GALNS: variants seen among roughly 807,000 people sequenced by gnomAD.
GALNS encodes the protein N-acetylgalactosamine-6-sulfatase.
GALNS carries 65 observed loss-of-function variants against 65.9 expected under a neutral mutation model. The ratio of observed to expected loss-of-function variants is 0.99; its 90% CI spans 0.81 to 1.21. The LOEUF (loss-of-function observed/expected upper bound fraction) is 1.21. GALNS is among the 50% of genes most tolerant of loss of function. The pLI is 0.00. For synonymous variants in GALNS, 346 were observed against 288.9 expected, an observed-to-expected ratio of 1.20 and a Z score of -2.00; for missense variants, 776 against 700.7, an observed-to-expected ratio of 1.11 and a Z score of -1.21.
rs561834573 is a variant in GALNS, at chr16:88,824,650, G to C, written c.1242+117C>G. 220 of 804,236 alleles carry C rather than the reference G, an allele frequency of 2.7e-4. No individual in the cohort carries two copies. The African/African-American group carries it at 3.2e-3, about 12-fold the overall frequency. The allele number at this position is 804,236 out of a possible 1,614,324, so 49.8% of individuals were successfully genotyped here. ...GGGCCACACAGAGAAGGCTGTGGAG[G>C]GGGTGGAGTTCCTGCCTGTCTCACC... On this transcript the variant is annotated intron_variant, in intron 11 of 13. Coordinates refer to ENST00000268695, the MANE Select transcript of GALNS (RefSeq NM_000512.5).
At chr16:88,829,107 G>A (rs72491942) in intron 9 of GALNS, among the ~76,000 whole-genome samples, 2 of 140,300 alleles carry the variant, frequency 1.4e-5, no homozygotes, top group African/African-American at 5.3e-5. Context: ...CACAGTTCCT[G>A]AGTCTCATGC....
intron 1 of GALNS, among the ~76,000 whole-genome samples, chr16:88,850,897 T>C (rs1457851627): frequency 6.6e-6 from 1 of 152,306 alleles, no homozygotes; most frequent in African/African-American, 2.4e-5. Context: ...AAAAACAGTG[T>C]GGCAAGGTGA....
intron 1 of GALNS, among the ~76,000 whole-genome samples, chr16:88,850,133 A>T (rs1182282449): frequency 6.6e-6 from 1 of 152,218 alleles, no homozygotes; most frequent in Non-Finnish European, 1.5e-5. Flanking sequence ...GTGGGAGAGT[A>T]CAGAATGGCA....
At chr16:88,830,656 C>T (rs945923464) in intron 9 of GALNS, among the ~76,000 whole-genome samples, 9 of 152,220 alleles carry the variant, frequency 5.9e-5, no homozygotes, top group African/African-American at 1.9e-4. Context: ...GAAGACCACA[C>T]GGTGTGATTC....
chr16:88,831,209 G>A (rs1430908263), intron 9 of GALNS, among the ~76,000 whole-genome samples: 1 of 152,026 alleles, frequency 6.6e-6, no homozygotes, highest in Admixed American at 6.6e-5. Context: ...TGGTTCCGAG[G>A]AGAGCGGTGA....
intron 10 of GALNS, among the ~76,000 whole-genome samples, chr16:88,826,078 G>T (rs1471891976): frequency 2.0e-5 from 3 of 152,032 alleles, no homozygotes; most frequent in African/African-American, 7.2e-5. Context: ...TTGGATGGAA[G>T]GAAGAAGGAA....
At position 88,835,849 on chromosome 16, in the gene GALNS, C is replaced by T; in HGVS notation, c.634G>A (p.Glu212Lys). 1 of 1,614,044 alleles carries T rather than the reference C, an allele frequency of 6.2e-7. No individual in the cohort carries two copies. Among genetic ancestry groups the T allele is most frequent in the Non-Finnish European group, 8.5e-7 (1 of 1,180,012 alleles). The change falls in exon 7 of 14, where the codon GAA becomes AAA. Residue 212 changes from glutamate to lysine, a missense_variant and splice_region_variant. Glu to Lys is a moderately conservative substitution (Grantham distance 56). Transcript: ENST00000268695. ...EANLTQIYLQ[E>K]ALDFIKRQAR... ...TGTCTCTTAATGAAGTCCAGGGCTTCCTATGGAGAGAGCCACACCGTCGTC... is the reference window on the plus strand; with the variant it reads ...TGTCTCTTAATGAAGTCCAGGGCTTTCTATGGAGAGAGCCACACCGTCGTC...
chr16:88,836,473 G>C (rs989796945), intron 5 of GALNS, among the ~76,000 whole-genome samples: 1 of 152,156 alleles, frequency 6.6e-6, no homozygotes, highest in African/African-American at 2.4e-5. Flanking sequence ...GGGCAACATG[G>C]TGAAACTCTG....
chr16:88,817,327 C>T (rs541572911), intron 13 of GALNS: 386 of 985,210 alleles, frequency 3.9e-4, no homozygotes, highest in Non-Finnish European at 4.5e-4. Context: ...TGTTTCTGGC[C>T]GATGCTGGCG....
At chr16:88,848,880 C>T (rs1042191493) in intron 1 of GALNS, among the ~76,000 whole-genome samples, 9 of 152,340 alleles carry the variant, frequency 5.9e-5, no homozygotes, top group South Asian at 2.1e-4. Context: ...TCCAGGTCTG[C>T]GTGGTCACAC....
intron 1 of GALNS, among the ~76,000 whole-genome samples, chr16:88,851,960 T>G (rs1217878792): frequency 6.6e-6 from 1 of 152,206 alleles, no homozygotes; most frequent in African/African-American, 2.4e-5. Flanking sequence ...AGCAGAAACT[T>G]CGGCAGACTT....
chr16:88,830,880 G>A (rs1305563541), intron 9 of GALNS, among the ~76,000 whole-genome samples: 3 of 152,090 alleles, frequency 2.0e-5, no homozygotes, highest in African/African-American at 4.8e-5. Context: ...ATGTGCTTTG[G>A]GGGAAAAAAC....
At position 88,814,117 on chromosome 16, in the gene GALNS, T is replaced by A. The variant is rs1475555697; in HGVS notation, c.*322A>T. The A allele has an allele frequency of 2.2e-6, 1 of 450,348 alleles. No homozygotes were observed. The highest frequency in any genetic ancestry group is 3.4e-5 in the Admixed American group (1 of 29,176). The allele number at this position is 450,348 out of a possible 1,614,324, so 27.9% of individuals were successfully genotyped here. A position where few individuals can be genotyped will look rare whatever the true frequency, so the allele number is the denominator to read the frequency against. On this transcript the variant is annotated 3_prime_UTR_variant, in exon 14 of 14. Coordinates refer to ENST00000268695, the MANE Select transcript of GALNS (RefSeq NM_000512.5). ...TCCTGAGGCTGTCACAGGTGCATCC[T>A]TAACCTTGGCAAAATAAACTGAGAC...
intron 13 of GALNS, chr16:88,815,591 A>G (rs1909538336): frequency 1.0e-6 from 1 of 985,444 alleles, no homozygotes; most frequent in Non-Finnish European, 1.2e-6. Context: ...GGCTGAAATG[A>G]GTGCAGTTTG....
chr16:88,821,375 C>T (rs12930860), intron 12 of GALNS, among the ~76,000 whole-genome samples: 2 of 152,048 alleles, frequency 1.3e-5, no homozygotes, highest in Non-Finnish European at 2.9e-5. Context: ...TTGGACCCAG[C>T]GCCACCCGTG....
intron 12 of GALNS, among the ~76,000 whole-genome samples, chr16:88,819,855 G>A (rs1910024185): frequency 6.6e-6 from 1 of 151,760 alleles, no homozygotes; most frequent in African/African-American, 2.4e-5. Context: ...CACCACGCCT[G>A]GCTAATTTTT....
chr16:88,839,148 G>A (rs1006479835), intron 4 of GALNS, among the ~76,000 whole-genome samples: 4 of 150,194 alleles, frequency 2.7e-5, no homozygotes, highest in African/African-American at 7.4e-5. Flanking sequence ...GGGGACACTC[G>A]TGCGCCCACG....
chr16:88,819,488 C>A (rs1395532721), intron 12 of GALNS, among the ~76,000 whole-genome samples: 1 of 152,200 alleles, frequency 6.6e-6, no homozygotes, highest in Non-Finnish European at 1.5e-5. Context: ...CACTTTCTGA[C>A]GGTGAGCGTC....
intron 1 of GALNS, among the ~76,000 whole-genome samples, chr16:88,851,372 GC>G (rs1267034987): frequency 6.6e-6 from 1 of 152,030 alleles, no homozygotes; most frequent in Non-Finnish European, 1.5e-5. Flanking sequence ...TTTTTAATTA[GC>G]CGGGTGTGGG....
Sources: allele counts gnomAD v4.1 joint callset (sites outside exome capture counted in the v4.1 genomes callset), GRCh38; gene constraint gnomAD v4.1.1; transcripts MANE v1.5; gene names NCBI Gene and HGNC (gene_info 2026-07-23, HGNC 2026-07-21).